TMBIM4: variants seen among roughly 807,000 people sequenced by gnomAD.
TMBIM4 encodes the protein protein lifeguard 4.
In TMBIM4, 28 loss-of-function variants were observed where a neutral mutation model predicts 27.7. The ratio of observed to expected loss-of-function variants is 1.01; its 90% CI spans 0.75 to 1.38. The LOEUF (loss-of-function observed/expected upper bound fraction) is 1.38, where lower values mean the gene tolerates loss of function less well. TMBIM4 is among the 40% of genes most tolerant of loss of function. TMBIM4 has a pLI of 0.00. For synonymous variants in TMBIM4, 115 were observed against 113.1 expected (o/e 1.02, Z -0.11); for missense variants, 265 against 277.5 (o/e 0.95, Z 0.32).
At chr12:66,169,745 C>G (rs989143085) in intron 1 of TMBIM4, 110 bp downstream of exon 1, 1 of 838,394 alleles carries the variant, frequency 1.2e-6, no homozygotes, top group African/African-American at 1.8e-5. Flanking sequence ...GTGAGCACTC[C>G]CTGTGAGTCC....
At chr12:66,149,079 A>C (rs1206770567) in intron 3 of TMBIM4, among the ~76,000 whole-genome samples, 2 of 152,184 alleles carry the variant, frequency 1.3e-5, no homozygotes, top group African/African-American at 4.8e-5. Context: ...ATGTGGAGGC[A>C]ATGGAACTGC....
In TMBIM4 at chr12:66,153,233, C is replaced by T. The variant is rs994020256; in HGVS notation, c.206+107G>A. ...TATAAGAGTAAATGAACCTTTTTTACATTTTAACCTCAAAAGTTAATAGAA... is the reference window on the plus strand; with the variant it reads ...TATAAGAGTAAATGAACCTTTTTTATATTTTAACCTCAAAAGTTAATAGAA... On this transcript the variant is annotated intron_variant, in intron 2 of 6. Coordinates refer to ENST00000358230, the MANE Select transcript of TMBIM4 (RefSeq NM_016056.4). The T allele has an allele frequency of 1.1e-5, 8 of 696,478 alleles. No individual in the cohort carries two copies. The Middle Eastern group carries it at 1.1e-3, about 94-fold the overall frequency. The allele number at this position is 696,478 out of a possible 1,614,324, so 43.1% of individuals were successfully genotyped here.
At chr12:66,166,167 C>T (rs2052122664) in intron 1 of TMBIM4, among the ~76,000 whole-genome samples, 2 of 152,088 alleles carry the variant, frequency 1.3e-5, no homozygotes, top group African/African-American at 4.8e-5. Context: ...AGAGACTGCC[C>T]TTTTCTCATT....
At chr12:66,153,843 GT>G (rs1419495983) in intron 1 of TMBIM4, among the ~76,000 whole-genome samples, 1 of 134,476 alleles carries the variant, frequency 7.4e-6, no homozygotes, top group African/African-American at 4.0e-5. Flanking sequence ...TAAACGTTAA[GT>G]TTTTTTATGT....
chr12:66,155,335 T>TGAGAGA lies in TMBIM4; in HGVS notation c.98-1893_98-1888dup, dbSNP rs71697123. ...AGGATGGGGTGTGTGTGCACACGTGTGAGAGAGAGAGAGAGAGAGAGAGAG... is the reference window on the plus strand; with the variant it reads ...AGGATGGGGTGTGTGTGCACACGTGTGAGAGAGAGAGAGAGAGAGAGAGAGAGAGAG... On this transcript the variant is annotated intron_variant, in intron 1 of 6. Coordinates refer to ENST00000358230, the MANE Select transcript of TMBIM4 (RefSeq NM_016056.4). Among the ~76,000 whole-genome samples the TGAGAGA allele has an allele frequency of 4.6e-4, 60 of 131,712 alleles. 3 individuals carry two copies. The highest frequency in any genetic ancestry group is 2.8e-3 in the East Asian group (12 of 4,248). The allele number at this position is 131,712 out of a possible 152,430, so 86.4% of individuals were successfully genotyped here. A position where few individuals can be genotyped will look rare whatever the true frequency, so the allele number is the denominator to read the frequency against.
chr12:66,166,328 G>A (rs886498760), intron 1 of TMBIM4, among the ~76,000 whole-genome samples: 3 of 151,914 alleles, frequency 2.0e-5, no homozygotes, highest in Non-Finnish European at 4.4e-5. Flanking sequence ...AGCTAGGCAT[G>A]GTGGCATGTG....
intron 1 of TMBIM4, among the ~76,000 whole-genome samples, chr12:66,159,934 A>G (rs17825943): frequency 0.073 from 11,140 of 152,326 alleles, 847 homozygotes; most frequent in East Asian, 0.45. Context: ...TCACTCACAT[A>G]GCTAAAAGAC....
chr12:66,159,749 G>C (rs2052004075), intron 1 of TMBIM4, among the ~76,000 whole-genome samples: 1 of 152,068 alleles, frequency 6.6e-6, no homozygotes, highest in Admixed American at 6.5e-5. Flanking sequence ...ACTCACACCT[G>C]TTTCTTTTCT....
chr12:66,165,778 G>T (rs1424898922), intron 1 of TMBIM4, among the ~76,000 whole-genome samples: 1 of 152,050 alleles, frequency 6.6e-6, no homozygotes, highest in Non-Finnish European at 1.5e-5. Flanking sequence ...AAATCAGGTT[G>T]TTTTTTGTTA....
chr12:66,138,936 CT>C (rs1241819203), intron 5 of TMBIM4, 167 bp from the exon 6 acceptor site: 84 of 1,023,286 alleles, frequency 8.2e-5, no homozygotes, highest in South Asian at 2.2e-4. Flanking sequence ...CATCTTGGAT[CT>C]TTTTTTTAAA....
chr12:66,165,641 T>G (rs1307969634), intron 1 of TMBIM4, among the ~76,000 whole-genome samples: 1 of 152,208 alleles, frequency 6.6e-6, no homozygotes, highest in Non-Finnish European at 1.5e-5. Flanking sequence ...TTATTCAGGC[T>G]ATTTGTCTTC....
At chr12:66,160,269 A>T (rs1273296791) in intron 1 of TMBIM4, 1 of 702,964 alleles carries the variant, frequency 1.4e-6, no homozygotes, top group South Asian at 1.5e-5. Flanking sequence ...AGGTATCCTC[A>T]TATATTGTTT....
chr12:66,153,548 C>A (rs4281516), intron 1 of TMBIM4, 100 bp from the exon 2 acceptor site: 52,600 of 591,564 alleles, frequency 0.089, 5,871 homozygotes, highest in East Asian at 0.53. Context: ...TACACGTATT[C>A]TTTCCTAATT....
intron 1 of TMBIM4, among the ~76,000 whole-genome samples, chr12:66,158,143 A>G (rs914186554): frequency 1.1e-4 from 16 of 149,678 alleles, no homozygotes; most frequent in South Asian, 8.5e-4. Flanking sequence ...GGAGAATGGC[A>G]TGAACCCGGG....
At chr12:66,140,699 C>G (rs903037756) in intron 5 of TMBIM4, among the ~76,000 whole-genome samples, 3 of 152,114 alleles carry the variant, frequency 2.0e-5, no homozygotes, top group Non-Finnish European at 4.4e-5. Context: ...AGTTCGAGTC[C>G]AGCCTAGGCA....
chr12:66,169,468 G>A, intron 1 of TMBIM4: 1 of 511,660 alleles, frequency 2.0e-6, no homozygotes. Flanking sequence ...GATTCCACTC[G>A]TGTGTACGTC....
intron 5 of TMBIM4, among the ~76,000 whole-genome samples, chr12:66,144,322 C>T (rs1388786665): frequency 1.3e-5 from 2 of 152,014 alleles, no homozygotes; most frequent in African/African-American, 2.4e-5. Context: ...ACAAAGAATA[C>T]GTTCTTAAAA....
chr12:66,157,704 A>G (rs542490160), intron 1 of TMBIM4, among the ~76,000 whole-genome samples: 1 of 152,314 alleles, frequency 6.6e-6, no homozygotes, highest in East Asian at 1.9e-4. Context: ...CCTGCAGGTG[A>G]GGGCTTAAAG....
At chr12:66,143,855 C>T (rs1224636236) in intron 5 of TMBIM4, among the ~76,000 whole-genome samples, 1 of 152,126 alleles carries the variant, frequency 6.6e-6, no homozygotes, top group Admixed American at 6.5e-5. Flanking sequence ...ACCACTTTGG[C>T]TTTGAGGCGT....
Sources: gnomAD v4.1 joint callset for allele counts (sites outside exome capture counted in the v4.1 genomes callset) on GRCh38, gnomAD v4.1.1 for gene constraint, MANE v1.5 for transcripts, NCBI Gene and HGNC (gene_info 2026-07-23, HGNC 2026-07-21) for gene names.